The following NCAM2 variants were observed in gnomAD, a reference collection of about 807,000 sequenced individuals.
The protein encoded by NCAM2 is neural cell adhesion molecule 2, also known as N-CAM-2.
A neutral mutation model predicts 98.1 loss-of-function variants in NCAM2; 30 were observed. That is an observed-to-expected ratio of 0.31 (90% CI 0.23 to 0.41). NCAM2 has a LOEUF of 0.41. NCAM2 is among the 10% of genes least tolerant of loss of function. The pLI is 1.00. For missense variants in NCAM2, 867 were observed against 1,005.8 expected, an observed-to-expected ratio of 0.86 and a Z score of 1.87; for synonymous variants, 368 against 342.4, an observed-to-expected ratio of 1.07 and a Z score of -0.83.
chr21:21,385,712 G>T (rs933248573), intron 9 of NCAM2: 7 of 1,234,694 alleles, frequency 5.7e-6, no homozygotes, highest in Non-Finnish European at 7.4e-6. Flanking sequence ...AAACAAAGGA[G>T]AAAACAGGCA....
At chr21:21,248,547 C>A (rs962992045) in intron 1 of NCAM2, among the ~76,000 whole-genome samples, 1 of 151,840 alleles carries the variant, frequency 6.6e-6, no homozygotes, top group Non-Finnish European at 1.5e-5. Context: ...GAGGCCGAGG[C>A]AAGCGGGTCA....
At chr21:21,268,303 C>T (rs1197331047) in intron 1 of NCAM2, among the ~76,000 whole-genome samples, 1 of 152,194 alleles carries the variant, frequency 6.6e-6, no homozygotes, top group African/African-American at 2.4e-5. Flanking sequence ...ATGACTGAAG[C>T]TACATTGTGC....
Position 21,055,020 on chromosome 21 carries a change from G to A in NCAM2, c.55+56402G>A, listed in dbSNP as rs111656232. Among the ~76,000 whole-genome samples the A allele has an allele frequency of 4.5e-3, 690 of 152,042 alleles. 3 individuals carry two copies. The highest frequency in any genetic ancestry group is 0.015 in the African/African-American group (632 of 41,530). On this transcript the variant is annotated intron_variant, in intron 1 of 17. Coordinates refer to ENST00000400546, the MANE Select transcript of NCAM2 (RefSeq NM_004540.5). Reference sequence around the variant, plus strand: ...AATGTATCTCACAAACACCCTTAAGGAAAATGAAACTTAAAAATATTAGCT... The same window carrying A: ...AATGTATCTCACAAACACCCTTAAGAAAAATGAAACTTAAAAATATTAGCT...
At chr21:21,095,299 T>C (rs765824027) in intron 1 of NCAM2, among the ~76,000 whole-genome samples, 1 of 151,654 alleles carries the variant, frequency 6.6e-6, no homozygotes, top group Non-Finnish European at 1.5e-5. Context: ...GGAAAAAATT[T>C]ATACACATAC....
intron 16 of NCAM2, among the ~76,000 whole-genome samples, chr21:21,530,093 ATTT>A (rs1989545936): frequency 8.7e-5 from 12 of 137,206 alleles, no homozygotes; most frequent in Non-Finnish European, 1.9e-4. Flanking sequence ...ATTTAATTTA[ATTT>A]AATTATATAT....
chr21:21,337,820 A>G (rs1036673304), intron 7 of NCAM2, among the ~76,000 whole-genome samples: 2 of 152,044 alleles, frequency 1.3e-5, no homozygotes, highest in Admixed American at 6.6e-5. Context: ...AATAATATAT[A>G]TAAGTAAAGT....
Position 21,418,589 on chromosome 21 carries a change from T to C in NCAM2, c.1480+20T>C. The stretch of plus-strand genomic sequence containing the variant: ...TGGCTGGTAAGTATAGCACAATAAT[T>C]TTTGAGATCGCACACAATATTTCTG... On this transcript the variant is annotated intron_variant, in intron 11 of 17. Coordinates refer to ENST00000400546, the MANE Select transcript of NCAM2 (RefSeq NM_004540.5). 6.6e-7 allele frequency: 1 copy of C among 1,505,670 alleles called. No homozygotes were observed. The highest frequency in any genetic ancestry group is 9.2e-7 in the Non-Finnish European group (1 of 1,082,370). 93.3% of individuals were successfully genotyped at this position (1,505,670 alleles called of 1,614,324 possible).
At chr21:21,244,522 G>T (rs1408133133) in intron 1 of NCAM2, among the ~76,000 whole-genome samples, 1 of 152,044 alleles carries the variant, frequency 6.6e-6, no homozygotes, top group Non-Finnish European at 1.5e-5. Context: ...CATATACGTT[G>T]TATATTAAAT....
At chr21:21,026,206 G>A (rs2064542346) in intron 1 of NCAM2, among the ~76,000 whole-genome samples, 1 of 152,050 alleles carries the variant, frequency 6.6e-6, no homozygotes, top group South Asian at 2.1e-4. Flanking sequence ...TTGTGGTAAA[G>A]GTTAATAAAA....
At chr21:21,076,439 C>A (rs1414744825) in intron 1 of NCAM2, among the ~76,000 whole-genome samples, 2 of 152,020 alleles carry the variant, frequency 1.3e-5, no homozygotes. Flanking sequence ...TAACTATGTT[C>A]TTTTGTGCAC....
At chr21:21,020,756 C>T (rs2064417156) in intron 1 of NCAM2, among the ~76,000 whole-genome samples, 1 of 152,176 alleles carries the variant, frequency 6.6e-6, no homozygotes, top group Non-Finnish European at 1.5e-5. Flanking sequence ...CTAATGTATT[C>T]ATCCTATTAA....
At chr21:21,076,065 C>G (rs1360226663) in intron 1 of NCAM2, among the ~76,000 whole-genome samples, 7 of 150,430 alleles carry the variant, frequency 4.7e-5, no homozygotes, top group Admixed American at 2.0e-4. Flanking sequence ...TGAAGTGAGG[C>G]TAGATCATGC....
At chr21:21,278,404 A>G (rs993740876) in intron 1 of NCAM2, among the ~76,000 whole-genome samples, 3 of 152,142 alleles carry the variant, frequency 2.0e-5, no homozygotes, top group Non-Finnish European at 4.4e-5. Context: ...AAAATTGTTT[A>G]CTTATTTAAA....
intron 14 of NCAM2, among the ~76,000 whole-genome samples, chr21:21,470,795 T>C (rs1984347534): frequency 6.6e-6 from 1 of 152,024 alleles, no homozygotes; most frequent in African/African-American, 2.4e-5. Flanking sequence ...TGTCTGATAA[T>C]CAATCAATTA....
chr21:21,275,397 G>GCA (rs1285303331), intron 1 of NCAM2, among the ~76,000 whole-genome samples: 16 of 151,544 alleles, frequency 1.1e-4, no homozygotes, highest in African/African-American at 3.9e-4. Context: ...CTGAGATCAT[G>GCA]CCACTGCACT....
At chr21:21,083,068 T>C (rs2065841407) in intron 1 of NCAM2, among the ~76,000 whole-genome samples, 1 of 152,212 alleles carries the variant, frequency 6.6e-6, no homozygotes, top group Admixed American at 6.5e-5. Flanking sequence ...TCTTGCTGGC[T>C]TATGCATTTT....
intron 1 of NCAM2, among the ~76,000 whole-genome samples, chr21:21,203,329 C>T (rs903555475): frequency 6.6e-6 from 1 of 152,090 alleles, no homozygotes; most frequent in African/African-American, 2.4e-5. Context: ...CATTTATGCT[C>T]ACATATTTCA....
chr21:21,279,444 C>T (rs1213278759), intron 1 of NCAM2, among the ~76,000 whole-genome samples: 3 of 152,030 alleles, frequency 2.0e-5, no homozygotes, highest in Admixed American at 6.6e-5. Context: ...CTGCAACCTC[C>T]GCCTTCCAGT....
chr21:21,323,570 C>T (rs1238598042), intron 5 of NCAM2, among the ~76,000 whole-genome samples: 1 of 152,112 alleles, frequency 6.6e-6, no homozygotes, highest in African/African-American at 2.4e-5. Flanking sequence ...CATTGAGTCA[C>T]AATTTATCCT....
Sources: gnomAD v4.1 joint callset for allele counts (sites outside exome capture counted in the v4.1 genomes callset) on GRCh38, gnomAD v4.1.1 for gene constraint, MANE v1.5 for transcripts, NCBI Gene and HGNC (gene_info 2026-07-23, HGNC 2026-07-21) for gene names.